The following MBNL1 variants were observed in gnomAD, a reference collection of about 807,000 sequenced individuals.
MBNL1 encodes the protein muscleblind like splicing regulator 1.
In MBNL1, 8 loss-of-function variants were observed where a neutral mutation model predicts 42.2. That is an observed-to-expected ratio of 0.19 (90% CI 0.11 to 0.34). The LOEUF (loss-of-function observed/expected upper bound fraction) is 0.34, where lower values mean the gene tolerates loss of function less well. Among genes scored for constraint, MBNL1 ranks in the 10% least tolerant of loss-of-function variants. The pLI is 1.00. For missense variants in MBNL1, 309 were observed against 495.3 expected, an observed-to-expected ratio of 0.62 and a Z score of 3.57; for synonymous variants, 169 against 173.9, an observed-to-expected ratio of 0.97 and a Z score of 0.22.
chr3:152,288,789 A>G (rs2054140826), intron 1 of MBNL1, among the ~76,000 whole-genome samples: 1 of 152,230 alleles, frequency 6.6e-6, no homozygotes, highest in Non-Finnish European at 1.5e-5. Flanking sequence ...ACAAAATGCA[A>G]ATACTATGAT....
chr3:152,303,693 A>G (rs920681470), intron 2 of MBNL1, among the ~76,000 whole-genome samples: 4 of 152,150 alleles, frequency 2.6e-5, no homozygotes, highest in Admixed American at 1.3e-4. Flanking sequence ...AAGCCTACAG[A>G]ATGTATTTTA....
At chr3:152,333,673 T>C (rs930764900) in intron 2 of MBNL1, among the ~76,000 whole-genome samples, 2 of 152,242 alleles carry the variant, frequency 1.3e-5, no homozygotes, top group African/African-American at 4.8e-5. Flanking sequence ...TGTTAGGTTA[T>C]TGTGACTCTT....
At chr3:152,316,149 T>G (rs934966204) in intron 2 of MBNL1, among the ~76,000 whole-genome samples, 5 of 152,228 alleles carry the variant, frequency 3.3e-5, no homozygotes, top group Non-Finnish European at 5.9e-5. Flanking sequence ...CTGTAACCTC[T>G]TGTCACCTCT....
At chr3:152,255,352 A>G (rs1006006598) in intron 2 of MBNL1, among the ~76,000 whole-genome samples, 1 of 152,144 alleles carries the variant, frequency 6.6e-6, no homozygotes. Flanking sequence ...CATTAATTTA[A>G]TATTGAGCCT....
chr3:152,447,165 A>G (rs113984370), intron 5 of MBNL1, among the ~76,000 whole-genome samples: 7 of 152,154 alleles, frequency 4.6e-5, no homozygotes, highest in African/African-American at 1.4e-4. Context: ...GGACATTTGC[A>G]TGTCTAGGTA....
intron 3 of MBNL1, among the ~76,000 whole-genome samples, chr3:152,429,799 T>C (rs1435717992): frequency 3.9e-5 from 6 of 151,902 alleles, no homozygotes; most frequent in African/African-American, 1.2e-4. Context: ...TGTTTGTGTG[T>C]GTGTGTGTGT....
At chr3:152,348,757 A>G (rs1231437923) in intron 2 of MBNL1, among the ~76,000 whole-genome samples, 1 of 152,090 alleles carries the variant, frequency 6.6e-6, no homozygotes, top group Non-Finnish European at 1.5e-5. Flanking sequence ...TTTTCATTTG[A>G]TTTTGATAGT....
rs60509782 is a variant in MBNL1 at position 152,407,209 on chromosome 3, CTT to C, written c.175-7707_175-7706del. ...GGGATTATATCAGTGGAAATATGTT[CTT>C]TTTTTTTTTTTTTTTTTTTTTTTTA... On this transcript the variant is annotated intron_variant, in intron 2 of 9. Transcript: ENST00000324210. Among the ~76,000 whole-genome samples, 5 of 54,356 alleles carry C rather than the reference CTT, an allele frequency of 9.2e-5. 1 individual carries two copies. The highest frequency in any genetic ancestry group is 5.9e-5 in the African/African-American group (1 of 17,018). The allele number at this position is 54,356 out of a possible 152,430, so 35.7% of individuals were successfully genotyped here.
chr3:152,320,311 T>C (rs1364337520), intron 2 of MBNL1, among the ~76,000 whole-genome samples: 1 of 152,182 alleles, frequency 6.6e-6, no homozygotes, highest in African/African-American at 2.4e-5. Flanking sequence ...TCATTTGTGA[T>C]AGGACTCATC....
intron 2 of MBNL1, among the ~76,000 whole-genome samples, chr3:152,318,480 G>A (rs1042560737): frequency 1.3e-5 from 2 of 152,022 alleles, no homozygotes; most frequent in African/African-American, 2.4e-5. Context: ...CATTTTATTT[G>A]TTCTAATGAT....
At chr3:152,364,525 A>G (rs1156995361) in intron 2 of MBNL1, among the ~76,000 whole-genome samples, 1 of 152,076 alleles carries the variant, frequency 6.6e-6, no homozygotes, top group East Asian at 1.9e-4. Context: ...CACTCAGGTG[A>G]TATATTAATC....
intron 2 of MBNL1, among the ~76,000 whole-genome samples, chr3:152,389,918 C>T (rs1202305260): frequency 2.0e-5 from 3 of 151,810 alleles, no homozygotes; most frequent in African/African-American, 7.3e-5. Flanking sequence ...CTCTGTTGCC[C>T]AGGCTGGACT....
intron 1 of MBNL1, among the ~76,000 whole-genome samples, chr3:152,289,438 T>C (rs958131905): frequency 4.6e-5 from 7 of 152,114 alleles, no homozygotes; most frequent in African/African-American, 1.7e-4. Context: ...TAAGTTACAT[T>C]GAAGTGAAAA....
At chr3:152,370,261 C>G (rs554098788) in intron 2 of MBNL1, among the ~76,000 whole-genome samples, 1 of 152,092 alleles carries the variant, frequency 6.6e-6, no homozygotes, top group African/African-American at 2.4e-5. Context: ...CATTATTTAC[C>G]CAGTAGTCAT....
At chr3:152,352,467 G>GTA (rs2095117465) in intron 2 of MBNL1, among the ~76,000 whole-genome samples, 1 of 152,098 alleles carries the variant, frequency 6.6e-6, no homozygotes, top group African/African-American at 2.4e-5. Context: ...CCACTCTTTA[G>GTA]TGTAGACTCT....
intron 3 of MBNL1, 21 bp downstream of exon 3, chr3:152,415,132 C>T: frequency 6.5e-7 from 1 of 1,548,754 alleles, no homozygotes; most frequent in South Asian, 1.2e-5. Context: ...TTTCAGTCTT[C>T]ACTCATTAAG....
rs148189065 is a variant in MBNL1 at position 152,376,957 on chromosome 3, C to T, written c.175-37984C>T. 1.4e-4 allele frequency among the ~76,000 whole-genome samples: 21 copies of T among 152,206 alleles called. No individual in the cohort carries two copies. The East Asian group carries it at 3.3e-3, about 24-fold the overall frequency. ...CTTTTCCCTTTTGTTCCCTTTTCCC[C>T]GTACTTCCCCTAGACTTAAAATGTT... On this transcript the variant is annotated intron_variant, in intron 2 of 9. Coordinates refer to ENST00000324210, the MANE Select transcript of MBNL1 (RefSeq NM_021038.5).
intron 1 of MBNL1, among the ~76,000 whole-genome samples, chr3:152,291,114 C>G (rs1304933169): frequency 1.3e-5 from 2 of 152,094 alleles, no homozygotes; most frequent in African/African-American, 4.8e-5. Context: ...GTAAATAAAA[C>G]ACTAATTAGG....
At chr3:152,296,421 T>C (rs2058552096) in intron 1 of MBNL1, among the ~76,000 whole-genome samples, 1 of 152,130 alleles carries the variant, frequency 6.6e-6, no homozygotes, top group Non-Finnish European at 1.5e-5. Context: ...TACAGAAAGA[T>C]AGGTTAAAGA....
Sources: gnomAD v4.1 joint callset for allele counts (sites outside exome capture counted in the v4.1 genomes callset) on GRCh38, gnomAD v4.1.1 for gene constraint, MANE v1.5 for transcripts, NCBI Gene and HGNC (gene_info 2026-07-23, HGNC 2026-07-21) for gene names.